Variants in RCSD1 observed in about 807,000 individuals in gnomAD.
RCSD1 encodes capZ-interacting protein.
Under a neutral mutation model 42.5 loss-of-function variants are expected in RCSD1, and 26 were observed. That is an observed-to-expected ratio of 0.61 (90% confidence interval 0.45 to 0.85). The LOEUF is 0.85. Among genes scored for constraint, RCSD1 ranks in the 40% least tolerant of loss-of-function variants. The pLI is 0.00. For synonymous variants in RCSD1, 220 were observed against 212.2 expected, an observed-to-expected ratio of 1.04 and a Z score of -0.32; for missense variants, 571 against 528.3, an observed-to-expected ratio of 1.08 and a Z score of -0.79.
At chr1:167,675,331 G>A (rs546612119) in intron 1 of RCSD1, among the ~76,000 whole-genome samples, 63 of 151,486 alleles carry the variant, frequency 4.2e-4, no homozygotes, top group African/African-American at 1.2e-3. Context: ...GAAGGCAAAA[G>A]AGAAGCAAAG....
At chr1:167,648,031 C>T (rs1330036225) in intron 1 of RCSD1, among the ~76,000 whole-genome samples, 1 of 148,696 alleles carries the variant, frequency 6.7e-6, no homozygotes, top group Non-Finnish European at 1.5e-5. Context: ...GAATTTTCCA[C>T]ATCTTTATTA....
At chr1:167,641,519 G>A (rs61808886) in intron 1 of RCSD1, 1 of 152,114 alleles carries the variant, frequency 6.6e-6, no homozygotes. Context: ...GGGAGTTTGA[G>A]ACCACCCTGA....
At chr1:167,662,038 T>C (rs938151288) in intron 1 of RCSD1, among the ~76,000 whole-genome samples, 3 of 152,138 alleles carry the variant, frequency 2.0e-5, no homozygotes, top group African/African-American at 7.2e-5. Context: ...CCCCAGTCAC[T>C]CACCCTAGGG....
chr1:167,658,582 C>T (rs6669953), intron 1 of RCSD1, among the ~76,000 whole-genome samples: 9,096 of 152,096 alleles, frequency 0.06, 330 homozygotes, highest in African/African-American at 0.086. Flanking sequence ...CGTGCCACCA[C>T]GCCTGGTTAA....
intron 1 of RCSD1, among the ~76,000 whole-genome samples, chr1:167,655,136 CCAAACCTCCCTCCTG>C (rs1016306913): frequency 1.3e-5 from 2 of 152,106 alleles, no homozygotes; most frequent in African/African-American, 2.4e-5. Context: ...CTCAGCTTCC[CCAAACCTCCCTCCTG>C]CAAAAGAAAT....
chr1:167,669,339 G>C (rs1658746895), intron 1 of RCSD1, among the ~76,000 whole-genome samples: 1 of 152,180 alleles, frequency 6.6e-6, no homozygotes, highest in African/African-American at 2.4e-5. Context: ...TTGATAATGT[G>C]AGCCAAGGCC....
chr1:167,664,049 G>C (rs767914202), intron 1 of RCSD1: 13 of 152,204 alleles, frequency 8.5e-5, no homozygotes, highest in Admixed American at 7.9e-4. Flanking sequence ...AACCCAAACT[G>C]TCTAATCAAA....
At position 167,670,094 on chromosome 1, in the gene RCSD1, C is replaced by T. The variant is rs138541366; in HGVS notation, c.7-13806C>T. 8.5e-3 allele frequency among the ~76,000 whole-genome samples: 1,294 copies of T among 152,214 alleles called. 20 individuals carry two copies. Among genetic ancestry groups the T allele is most frequent in the African/African-American group, 0.029 (1,200 of 41,530 alleles). ...GGCCTCCAGGTGGCTGTAACATACC[C>T]CAGGACTCCAGGCAATCCTGGAAAG... is the stretch of plus-strand genomic sequence containing the variant. On this transcript the variant is annotated intron_variant, in intron 1 of 6. Transcript: ENST00000367854.
chr1:167,702,306 T>C (rs1659662818), intron 6 of RCSD1, among the ~76,000 whole-genome samples: 1 of 152,220 alleles, frequency 6.6e-6, no homozygotes, highest in South Asian at 2.1e-4. Flanking sequence ...ACCTTACTGT[T>C]AGGTTGCCCC....
At position 167,694,149 on chromosome 1, in the gene RCSD1, G is replaced by C; in HGVS notation, c.321G>C (p.Lys107Asn). 6.2e-7 allele frequency: 1 copy of C among 1,614,172 alleles called. No homozygotes were observed. The highest frequency in any genetic ancestry group is 8.5e-7 in the Non-Finnish European group (1 of 1,180,040). Residue 107 changes from lysine (K) to asparagine (N), a missense_variant, in exon 5 of 7, where the codon AAG becomes AAC. Transcript: ENST00000367854. ...CTCTACTGCCTGGGGCCTCACCCAA[G>C]AGTCCTGGACTCAAGGCTATGGTGT... ...PAALLPGASP[K>N]SPGLKAMVSP...
chr1:167,690,432 G>A (rs1005718820), intron 4 of RCSD1, among the ~76,000 whole-genome samples: 9 of 152,186 alleles, frequency 5.9e-5, no homozygotes, highest in Non-Finnish European at 5.9e-5. Flanking sequence ...CCAGCACTTT[G>A]GGAGGCTGAG....
At chr1:167,661,649 G>A (rs1658545079) in intron 1 of RCSD1, among the ~76,000 whole-genome samples, 1 of 152,234 alleles carries the variant, frequency 6.6e-6, no homozygotes, top group African/African-American at 2.4e-5. Context: ...GATGTGCTGA[G>A]GTGGTGGGAT....
In RCSD1 at chr1:167,705,328, C is replaced by T. The variant is rs1659731834; in HGVS notation, c.*632C>T. 1 of 141,776 alleles carries T rather than the reference C, an allele frequency of 7.1e-6. No homozygotes were observed. Among genetic ancestry groups the T allele is most frequent in the Non-Finnish European group, 1.6e-5 (1 of 62,492 alleles). 8.8% of individuals were successfully genotyped at this position (141,776 alleles called of 1,614,324 possible). On this transcript the variant is annotated 3_prime_UTR_variant, in exon 7 of 7. Coordinates refer to ENST00000367854, the MANE Select transcript of RCSD1 (RefSeq NM_052862.4). ...GGACTAGAAGAGATAATGATTGAAA[C>T]ATTTAAAAAAAAAAAGTGCTCCATT...
intron 1 of RCSD1, among the ~76,000 whole-genome samples, chr1:167,646,757 A>G (rs892640412): frequency 6.6e-6 from 1 of 152,132 alleles, no homozygotes; most frequent in African/African-American, 2.4e-5. Context: ...AAGCTCAGGG[A>G]GTAGATGCCT....
At chr1:167,685,937 AC>A (rs1484320734) in intron 3 of RCSD1, among the ~76,000 whole-genome samples, 1 of 151,786 alleles carries the variant, frequency 6.6e-6, no homozygotes, top group Non-Finnish European at 1.5e-5. Flanking sequence ...GCATGAGAAA[AC>A]CCCGTGATTC....
At chr1:167,656,206 C>T (rs931108529) in intron 1 of RCSD1, among the ~76,000 whole-genome samples, 2 of 152,106 alleles carry the variant, frequency 1.3e-5, no homozygotes, top group African/African-American at 4.8e-5. Context: ...GCTGCTGAGG[C>T]GCAAGCGGAG....
At position 167,708,686 on chromosome 1, in the gene RCSD1, T is replaced by C. The variant is rs569779846; in HGVS notation, c.*3990T>C. Among the ~76,000 whole-genome samples the C allele has an allele frequency of 1.2e-3, 183 of 152,352 alleles. No homozygotes were observed. The highest frequency in any genetic ancestry group is 4.2e-3 in the African/African-American group (176 of 41,568). Reference sequence around the variant, plus strand: ...TAGTAGGTATTCAATAAATATTTGTTAAATCATGAATGACTGAATTGATTT... The same window carrying C: ...TAGTAGGTATTCAATAAATATTTGTCAAATCATGAATGACTGAATTGATTT... On this transcript the variant is annotated 3_prime_UTR_variant, in exon 7 of 7. Transcript: ENST00000367854.
rs77047114 is a variant in RCSD1, at chr1:167,681,465, G to A, written c.7-2435G>A. The stretch of plus-strand genomic sequence containing the variant: ...AGAAAAGCCATTCACTAGGCTCCAG[G>A]AAAACAAACTCAGAGGTAATAGAAT... On this transcript the variant is annotated intron_variant, in intron 1 of 6. Coordinates refer to ENST00000367854, the MANE Select transcript of RCSD1 (RefSeq NM_052862.4). Among the ~76,000 whole-genome samples the A allele has an allele frequency of 9.6e-3, 1,466 of 152,288 alleles. 23 individuals are homozygous for A. The highest frequency in any genetic ancestry group is 0.034 in the African/African-American group (1,418 of 41,554).
intron 1 of RCSD1, among the ~76,000 whole-genome samples, chr1:167,671,720 G>T (rs181806686): frequency 1.6e-4 from 24 of 152,288 alleles, no homozygotes; most frequent in African/African-American, 3.6e-4. Context: ...GCAGCCATAG[G>T]CATCTTGCAA....
Sources: allele counts gnomAD v4.1 joint callset (sites outside exome capture counted in the v4.1 genomes callset), GRCh38; gene constraint gnomAD v4.1.1; transcripts MANE v1.5; gene names NCBI Gene and HGNC (gene_info 2026-07-23, HGNC 2026-07-21).